Variants in CDNF observed in about 807,000 individuals in gnomAD.
CDNF encodes cerebral dopamine neurotrophic factor.
A neutral mutation model predicts 14.8 loss-of-function variants in CDNF; 9 were observed. That is an observed-to-expected ratio of 0.61 (90% CI 0.37 to 1.06). The LOEUF is 1.06. Ranked by LOEUF, CDNF falls within the 50% of genes least tolerant of loss-of-function variation. The pLI, the probability that CDNF is intolerant of heterozygous loss-of-function variation, is 0.01. For synonymous variants in CDNF, 86 were observed against 87.2 expected, an observed-to-expected ratio of 0.99 and a Z score of 0.07; for missense variants, 228 against 228.4, an observed-to-expected ratio of 1.00 and a Z score of 0.01.
chr10:14,826,243 A>G (rs1007482395), intron 2 of CDNF, among the ~76,000 whole-genome samples: 2 of 152,020 alleles, frequency 1.3e-5, no homozygotes, highest in Non-Finnish European at 2.9e-5. Context: ...CAGCAGCAGA[A>G]GAAGCATAAG....
intron 1 of CDNF, among the ~76,000 whole-genome samples, chr10:14,837,440 T>A (rs1833901891): frequency 1.3e-5 from 2 of 152,246 alleles, no homozygotes. Flanking sequence ...TTTGTTTTCC[T>A]TTGGGGAGTC....
intron 1 of CDNF, among the ~76,000 whole-genome samples, chr10:14,833,036 T>C (rs1192068005): frequency 6.6e-6 from 1 of 151,590 alleles, no homozygotes; most frequent in African/African-American, 2.4e-5. Context: ...ATTTTTGTAT[T>C]TTTAGTAGAG....
chr10:14,824,988 C>A (rs1417998067), intron 3 of CDNF, among the ~76,000 whole-genome samples: 1 of 151,762 alleles, frequency 6.6e-6, no homozygotes, highest in Non-Finnish European at 1.5e-5. Flanking sequence ...GAGTCTTGCT[C>A]TATCACCCAG....
chr10:14,837,983 G>C lies in CDNF; in HGVS notation c.-37C>G. The stretch of plus-strand genomic sequence containing the variant: ...AGCTTCAATCGCCTCCGCCACCCGC[G>C]CCCACCGCCCACCAAGCTGCCAAAG... On this transcript the variant is annotated 5_prime_UTR_variant, in exon 1 of 4. Coordinates refer to ENST00000465530, the MANE Select transcript of CDNF (RefSeq NM_001029954.3). The C allele has an allele frequency of 6.9e-7, 1 of 1,448,726 alleles. No homozygotes were observed. The highest frequency in any genetic ancestry group is 9.5e-7 in the Non-Finnish European group (1 of 1,057,718). The allele number at this position is 1,448,726 out of a possible 1,614,324, so 89.7% of individuals were successfully genotyped here. A position where few individuals can be genotyped will look rare whatever the true frequency, so the allele number is the denominator to read the frequency against.
At chr10:14,823,155 T>C (rs1167561329) in intron 3 of CDNF, among the ~76,000 whole-genome samples, 2 of 152,256 alleles carry the variant, frequency 1.3e-5, no homozygotes, top group African/African-American at 2.4e-5. Flanking sequence ...TTAAGAACTA[T>C]TAGTCTATTC....
chr10:14,822,835 A>T (rs549026289), intron 3 of CDNF, among the ~76,000 whole-genome samples: 1 of 152,322 alleles, frequency 6.6e-6, no homozygotes. Context: ...ATGTTAAAAG[A>T]CTTTTGTATT....
chr10:14,827,170 G>A (rs1180801047), intron 2 of CDNF, among the ~76,000 whole-genome samples: 1 of 151,956 alleles, frequency 6.6e-6, no homozygotes, highest in East Asian at 1.9e-4. Flanking sequence ...GGAGGTTGAG[G>A]TTCCAGTGAG....
intron 1 of CDNF, among the ~76,000 whole-genome samples, chr10:14,828,891 G>A (rs1186867866): frequency 6.6e-6 from 1 of 152,052 alleles, no homozygotes; most frequent in Non-Finnish European, 1.5e-5. Flanking sequence ...CAGGCATGAT[G>A]GTGAATGCCT....
intron 1 of CDNF, among the ~76,000 whole-genome samples, chr10:14,834,894 A>G (rs1446728042): frequency 6.6e-6 from 1 of 152,200 alleles, no homozygotes; most frequent in East Asian, 1.9e-4. Flanking sequence ...GCGGAGGGGA[A>G]AACTGCTGAA....
intron 3 of CDNF, 28 bp downstream of exon 3, chr10:14,825,451 C>G (rs1240966636): frequency 6.2e-7 from 1 of 1,604,774 alleles, no homozygotes; most frequent in African/African-American, 1.3e-5. Context: ...ATTGGACCTA[C>G]TGGGAAAAAC....
intron 1 of CDNF, 74 bp downstream of exon 1, chr10:14,837,758 G>A: frequency 1.2e-6 from 1 of 855,974 alleles, no homozygotes; most frequent in East Asian, 2.7e-5. Flanking sequence ...CCAGGGCCAG[G>A]AGAAGCCAAA....
rs556745831 is a variant in CDNF at position 14,820,949 on chromosome 10, C to T, written c.386-791G>A. On this transcript the variant is annotated intron_variant, in intron 3 of 3. Coordinates refer to ENST00000465530, the MANE Select transcript of CDNF (RefSeq NM_001029954.3). Reference sequence around the variant, plus strand: ...CTGGTTGTTTCAAAGTGTAGCACCTCCCCCTTTGCGCTCTTCCTCTTGCTG... The same window carrying T: ...CTGGTTGTTTCAAAGTGTAGCACCTTCCCCTTTGCGCTCTTCCTCTTGCTG... Among the ~76,000 whole-genome samples the T allele has an allele frequency of 5.3e-5, 8 of 152,126 alleles. No individual in the cohort carries two copies. In the East Asian group the frequency reaches 1.6e-3, roughly 30 times the overall value.
chr10:14,827,991 T>C (rs903595674), intron 2 of CDNF, among the ~76,000 whole-genome samples, 154 bp downstream of exon 2: 4 of 152,168 alleles, frequency 2.6e-5, no homozygotes, highest in Admixed American at 2.0e-4. Flanking sequence ...CAGAACTACA[T>C]GTCACTGGAA....
intron 1 of CDNF, among the ~76,000 whole-genome samples, chr10:14,835,281 T>TGAGAAGA (rs1833877233): frequency 6.6e-6 from 1 of 151,946 alleles, no homozygotes; most frequent in Non-Finnish European, 1.5e-5. Context: ...GTGTGTAGAC[T>TGAGAAGA]GAGAAGAGAG....
At position 14,828,209 on chromosome 10, in the gene CDNF, A is replaced by C. The variant is rs1833814975; in HGVS notation, c.179T>G (p.Leu60Arg). 1 of 1,613,518 alleles carries C rather than the reference A, an allele frequency of 6.2e-7. No individual in the cohort carries two copies. Reference protein sequence around the residue: ...SLIDRGVNFSLDTIEKELISF... With the variant: ...SLIDRGVNFSRDTIEKELISF... ...GATCAATTCTTTCTCTATAGTGTCC[A>C]GCGAAAAGTTAACTCCTCTGTCTAT... The change falls in exon 2 of 4, where the codon CTG becomes CGG. Residue 60 changes from leucine (L) to arginine (R), a missense_variant. By Grantham distance (102) the Leu-to-Arg change is moderately radical (BLOSUM62 -2). Coordinates refer to ENST00000465530, the MANE Select transcript of CDNF (RefSeq NM_001029954.3).
chr10:14,826,017 A>AAGCAGAAGAAGG (rs1378300590), intron 2 of CDNF, among the ~76,000 whole-genome samples: 3 of 124,774 alleles, frequency 2.4e-5, no homozygotes, highest in African/African-American at 7.5e-5. Flanking sequence ...GCAGAAGCAG[A>AAGCAGAAGAAGG]AGAAGAAGAA....
In CDNF at chr10:14,825,715, T is replaced by C. The variant is rs565582058; in HGVS notation, c.244-95A>G. 278 of 1,358,174 alleles carry C rather than the reference T, an allele frequency of 2.0e-4. No individual in the cohort carries two copies. In the African/African-American group the frequency reaches 3.3e-3, roughly 16 times the overall value. The allele number at this position is 1,358,174 out of a possible 1,614,324, so 84.1% of individuals were successfully genotyped here. A position where few individuals can be genotyped will look rare whatever the true frequency, so the allele number is the denominator to read the frequency against. On this transcript the variant is annotated intron_variant, in intron 2 of 3. Coordinates refer to ENST00000465530, the MANE Select transcript of CDNF (RefSeq NM_001029954.3). ...GAATACAGTATCAAGAAGAAAGAGG[T>C]AGGCTGGACATGGTGGCTCACGCCT...
chr10:14,820,273 A>G, intron 3 of CDNF, 115 bp from the exon 4 acceptor site: 2 of 996,814 alleles, frequency 2.0e-6, no homozygotes, highest in Non-Finnish European at 2.9e-6. Context: ...CCTATGATCC[A>G]AGGCAGGGAA....
chr10:14,837,462 T>G (rs1400292685), intron 1 of CDNF, among the ~76,000 whole-genome samples: 1 of 152,238 alleles, frequency 6.6e-6, no homozygotes, highest in African/African-American at 2.4e-5. Context: ...CCAACTAGCT[T>G]GGACTTGAAA....
Sources: gnomAD v4.1 joint callset for allele counts (sites outside exome capture counted in the v4.1 genomes callset) on GRCh38, gnomAD v4.1.1 for gene constraint, MANE v1.5 for transcripts, NCBI Gene and HGNC (gene_info 2026-07-23, HGNC 2026-07-21) for gene names.